Variants in LRP1B observed in about 807,000 individuals in gnomAD.
LRP1B encodes the protein low-density lipoprotein receptor-related protein 1B.
A neutral mutation model predicts 556.6 loss-of-function variants in LRP1B; 217 were observed. The observed-to-expected ratio is 0.39, with a 90% CI of 0.35 to 0.44. The LOEUF is 0.44. Among genes scored for constraint, LRP1B ranks in the 20% least tolerant of loss-of-function variants. The pLI is 1.00. For synonymous variants in LRP1B, 2,047 were observed against 1,865.8 expected (o/e 1.10, Z -2.50); for missense variants, 5,053 against 5,620.8 (o/e 0.90, Z 3.23).
At chr2:140,279,762 G>T (rs1682835158) in intron 84 of LRP1B, among the ~76,000 whole-genome samples, 1 of 151,770 alleles carries the variant, frequency 6.6e-6, no homozygotes, top group South Asian at 2.1e-4. Context: ...TGATCTATAA[G>T]CTCTGAAGAA....
rs367938202 is a variant in LRP1B, at chr2:140,258,068, C to T, written c.13248-10906G>A. Reference sequence around the variant, plus strand: ...ATTCCTACCTTTCTAAACCTTGTGACAGAAACAGAACTCATTATCTTCCTC... The same window carrying T: ...ATTCCTACCTTTCTAAACCTTGTGATAGAAACAGAACTCATTATCTTCCTC... On this transcript the variant is annotated intron_variant, in intron 86 of 90. Transcript: ENST00000389484. Among the ~76,000 whole-genome samples the T allele has an allele frequency of 1.4e-4, 21 of 152,260 alleles. No homozygotes were observed. In the South Asian group the frequency reaches 4.4e-3, roughly 32 times the overall value.
At chr2:141,385,054 C>T (rs933190531) in intron 3 of LRP1B, among the ~76,000 whole-genome samples, 7 of 152,190 alleles carry the variant, frequency 4.6e-5, no homozygotes, top group East Asian at 3.9e-4. Flanking sequence ...TCGGGGTACC[C>T]GCTGGGTGGT....
At chr2:142,130,526 T>C in intron 1 of LRP1B, 122 bp downstream of exon 1, 1 of 800,452 alleles carries the variant, frequency 1.2e-6, no homozygotes, top group Admixed American at 2.8e-5. Flanking sequence ...CGCACGGTGG[T>C]CACCCGGTCC....
chr2:142,059,119 G>C (rs1216412140), intron 1 of LRP1B, among the ~76,000 whole-genome samples: 1 of 152,074 alleles, frequency 6.6e-6, no homozygotes, highest in African/African-American at 2.4e-5. Flanking sequence ...GGGACATAAA[G>C]TAGATTCCTG....
intron 59 of LRP1B, among the ~76,000 whole-genome samples, chr2:140,483,208 C>T (rs1373303597): frequency 1.3e-5 from 2 of 151,804 alleles, no homozygotes; most frequent in Non-Finnish European, 2.9e-5. Context: ...AAATATTATC[C>T]AAAAATGAAA....
intron 3 of LRP1B, among the ~76,000 whole-genome samples, chr2:141,302,676 C>G (rs1441370792): frequency 6.6e-6 from 1 of 151,970 alleles, no homozygotes; most frequent in Non-Finnish European, 1.5e-5. Context: ...AGTCTTCTTC[C>G]TTTTTCTCAT....
intron 3 of LRP1B, among the ~76,000 whole-genome samples, chr2:141,455,448 C>T (rs181358685): frequency 1.8e-4 from 28 of 152,190 alleles, no homozygotes; most frequent in African/African-American, 6.3e-4. Flanking sequence ...CAGGAAAACT[C>T]GAGCCTGTGC....
chr2:141,684,912 T>A lies in LRP1B; in HGVS notation c.205+125367A>T, dbSNP rs150365500. ...GGATGGAAAAGCCTAACACAACTGC[T>A]CAGGTACAAGCATACCTATCTTTCA... On this transcript the variant is annotated intron_variant, in intron 2 of 90. Coordinates refer to ENST00000389484, the MANE Select transcript of LRP1B (RefSeq NM_018557.3). 4.3e-3 allele frequency among the ~76,000 whole-genome samples: 649 copies of A among 152,054 alleles called. 2 individuals carry two copies. Among genetic ancestry groups the A allele is most frequent in the Middle Eastern group, 0.01 (3 of 294 alleles).
chr2:141,686,251 C>A (rs1195037592), intron 2 of LRP1B, among the ~76,000 whole-genome samples: 1 of 151,906 alleles, frequency 6.6e-6, no homozygotes, highest in Non-Finnish European at 1.5e-5. Flanking sequence ...TTATAACTTA[C>A]TTTCATTGAT....
chr2:142,011,726 T>C (rs1362878048), intron 1 of LRP1B, among the ~76,000 whole-genome samples: 2 of 152,218 alleles, frequency 1.3e-5, no homozygotes, highest in Non-Finnish European at 2.9e-5. Context: ...AATTAAACTC[T>C]GGCTTACTAT....
At chr2:141,096,649 A>G (rs984088980) in intron 7 of LRP1B, among the ~76,000 whole-genome samples, 6 of 112,114 alleles carry the variant, frequency 5.4e-5, no homozygotes, top group African/African-American at 2.0e-4. Context: ...AGAGAGAGAG[A>G]GAGAGAGAGA....
At chr2:140,768,237 G>A (rs1423474394) in intron 35 of LRP1B, among the ~76,000 whole-genome samples, 2 of 151,796 alleles carry the variant, frequency 1.3e-5, no homozygotes, top group African/African-American at 4.8e-5. Flanking sequence ...TTGTAGTCCA[G>A]AGTTTTATTA....
At chr2:142,053,109 AAC>A (rs1704522806) in intron 1 of LRP1B, among the ~76,000 whole-genome samples, 1 of 152,170 alleles carries the variant, frequency 6.6e-6, no homozygotes, top group Non-Finnish European at 1.5e-5. Context: ...CTCAATGAGA[AAC>A]AGTGCAAAAA....
At chr2:141,361,362 A>G (rs1046273843) in intron 3 of LRP1B, among the ~76,000 whole-genome samples, 3 of 152,112 alleles carry the variant, frequency 2.0e-5, no homozygotes, top group African/African-American at 7.2e-5. Flanking sequence ...TCTTTCTCTC[A>G]GAATAGGTTC....
chr2:140,669,646 GAC>G (rs1685409816), intron 41 of LRP1B, among the ~76,000 whole-genome samples: 1 of 152,042 alleles, frequency 6.6e-6, no homozygotes, highest in African/African-American at 2.4e-5. Context: ...TACTTTTACT[GAC>G]AGTTTTTTTT....
chr2:141,391,016 A>G (rs1215140840), intron 3 of LRP1B, among the ~76,000 whole-genome samples: 1 of 152,220 alleles, frequency 6.6e-6, no homozygotes, highest in Admixed American at 6.5e-5. Flanking sequence ...AGAAATCCTT[A>G]AGGAAATGGC....
intron 7 of LRP1B, among the ~76,000 whole-genome samples, chr2:141,108,353 T>C (rs1700662535): frequency 2.2e-5 from 3 of 136,358 alleles, no homozygotes; most frequent in East Asian, 4.1e-4. Flanking sequence ...TTTTTTTTTT[T>C]TTTTTTTTTT....
intron 2 of LRP1B, among the ~76,000 whole-genome samples, chr2:141,746,450 T>A (rs540756916): frequency 1.3e-5 from 2 of 152,050 alleles, no homozygotes; most frequent in Non-Finnish European, 2.9e-5. Flanking sequence ...CAAAGCAGTA[T>A]CTCACAATCA....
At chr2:141,003,430 T>C (rs1697482060) in intron 15 of LRP1B, among the ~76,000 whole-genome samples, 1 of 152,028 alleles carries the variant, frequency 6.6e-6, no homozygotes, top group Non-Finnish European at 1.5e-5. Flanking sequence ...CCCACCCAAA[T>C]CTTGAATTGT....
Sources: gnomAD v4.1 joint callset for allele counts (sites outside exome capture counted in the v4.1 genomes callset) on GRCh38, gnomAD v4.1.1 for gene constraint, MANE v1.5 for transcripts, NCBI Gene and HGNC (gene_info 2026-07-23, HGNC 2026-07-21) for gene names.